The following LRRTM4 variants were observed in gnomAD, a reference collection of about 807,000 sequenced individuals.
The protein encoded by LRRTM4 is leucine rich repeat transmembrane neuronal 4.
LRRTM4 carries 25 observed loss-of-function variants against 47.6 expected under a neutral mutation model. The observed-to-expected ratio is 0.53, with a 90% CI of 0.38 to 0.73. The LOEUF is 0.73. LRRTM4 is among the 30% of genes least tolerant of loss of function. The pLI, the probability that LRRTM4 is intolerant of heterozygous loss-of-function variation, is 0.00. For missense variants in LRRTM4, 638 were observed against 713.4 expected (o/e 0.89, Z 1.20); for synonymous variants, 311 against 269.5 (o/e 1.15, Z -1.51).
At chr2:77,436,640 G>T (rs940041600) in intron 3 of LRRTM4, among the ~76,000 whole-genome samples, 8 of 151,618 alleles carry the variant, frequency 5.3e-5, no homozygotes, top group African/African-American at 1.9e-4. Context: ...TGATTTAAAT[G>T]GGTGACAACT....
At chr2:77,460,183 T>C (rs138559414) in intron 3 of LRRTM4, among the ~76,000 whole-genome samples, 7 of 152,288 alleles carry the variant, frequency 4.6e-5, no homozygotes, top group Admixed American at 6.6e-5. Context: ...ATATGCTTAA[T>C]GTACTGACTC....
At chr2:77,512,953 C>CT (rs1049432827) in intron 3 of LRRTM4, among the ~76,000 whole-genome samples, 1 of 152,114 alleles carries the variant, frequency 6.6e-6, no homozygotes, top group South Asian at 2.1e-4. Context: ...CTATGTCGGT[C>CT]TTTTTTTGGC....
At chr2:77,025,460 C>G (rs928807252) in intron 3 of LRRTM4, among the ~76,000 whole-genome samples, 1 of 152,098 alleles carries the variant, frequency 6.6e-6, no homozygotes. Flanking sequence ...GGGCATTAAC[C>G]TCTTCTGGTT....
At chr2:77,050,763 T>C (rs1679404141) in intron 3 of LRRTM4, among the ~76,000 whole-genome samples, 1 of 152,186 alleles carries the variant, frequency 6.6e-6, no homozygotes, top group Non-Finnish European at 1.5e-5. Flanking sequence ...TTTCTACTTC[T>C]GTAAAACGGA....
intron 3 of LRRTM4, among the ~76,000 whole-genome samples, chr2:77,352,174 T>G (rs1358596822): frequency 6.6e-6 from 1 of 152,184 alleles, no homozygotes; most frequent in Non-Finnish European, 1.5e-5. Flanking sequence ...CGCCTTTTGA[T>G]GCCGAGCCTA....
intron 3 of LRRTM4, among the ~76,000 whole-genome samples, chr2:76,872,104 T>G (rs1672640498): frequency 1.3e-5 from 2 of 152,204 alleles, no homozygotes; most frequent in Admixed American, 6.5e-5. Flanking sequence ...AAATTTGTGA[T>G]AATTTGTTAT....
chr2:76,764,150 T>C (rs1486073807), intron 3 of LRRTM4, among the ~76,000 whole-genome samples: 3 of 152,182 alleles, frequency 2.0e-5, no homozygotes, highest in Non-Finnish European at 4.4e-5. Flanking sequence ...CCTGACTGCC[T>C]ATAGTAAAAC....
At chr2:77,160,185 T>A (rs12471166) in intron 3 of LRRTM4, among the ~76,000 whole-genome samples, 21,222 of 152,172 alleles carry the variant, frequency 0.14, 1,687 homozygotes, top group Non-Finnish European at 0.18. Context: ...CTGCACAACA[T>A]CTGGACACAG....
chr2:76,966,092 A>C (rs1676014266), intron 3 of LRRTM4, among the ~76,000 whole-genome samples: 1 of 151,568 alleles, frequency 6.6e-6, no homozygotes, highest in Admixed American at 6.6e-5. Context: ...GGATAGACAA[A>C]GGATTTTAAA....
intron 3 of LRRTM4, among the ~76,000 whole-genome samples, chr2:76,937,954 A>C (rs1336209837): frequency 6.6e-6 from 1 of 152,138 alleles, no homozygotes; most frequent in East Asian, 1.9e-4. Flanking sequence ...AAAATGGAGG[A>C]GCTAAGGGGA....
At chr2:76,940,705 T>C (rs1250514858) in intron 3 of LRRTM4, among the ~76,000 whole-genome samples, 1 of 152,184 alleles carries the variant, frequency 6.6e-6, no homozygotes, top group Non-Finnish European at 1.5e-5. Flanking sequence ...CAATTCTAGA[T>C]TGTACGTACT....
At chr2:77,019,539 A>G (rs1389303906) in intron 3 of LRRTM4, among the ~76,000 whole-genome samples, 2 of 152,118 alleles carry the variant, frequency 1.3e-5, no homozygotes, top group African/African-American at 4.8e-5. Flanking sequence ...TGAAGATACA[A>G]TGAGGAAATA....
rs150589627 is a variant in LRRTM4 at position 77,074,740 on chromosome 2, C to T, written c.1552-325824G>A. Among the ~76,000 whole-genome samples the T allele has an allele frequency of 3.0e-3, 457 of 152,218 alleles. 2 individuals carry two copies. Among genetic ancestry groups the T allele is most frequent in the Non-Finnish European group, 5.2e-3 (352 of 68,002 alleles). ...TAGCATGAAAAAAGGTCAATTGTTG[C>T]AAACCTTGACTTTCTAAATCAAGAA... On this transcript the variant is annotated intron_variant, in intron 3 of 3. Transcript: ENST00000409884.
At chr2:77,373,280 AAG>A (rs1193878305) in intron 3 of LRRTM4, among the ~76,000 whole-genome samples, 1 of 151,340 alleles carries the variant, frequency 6.6e-6, no homozygotes, top group Non-Finnish European at 1.5e-5. Context: ...CAGATTGTGA[AAG>A]AAGTAAATAA....
chr2:77,457,944 C>T (rs1676624363), intron 3 of LRRTM4, among the ~76,000 whole-genome samples: 3 of 152,094 alleles, frequency 2.0e-5, no homozygotes, highest in South Asian at 2.1e-4. Context: ...GGCTTCAGTG[C>T]AGACAATGTA....
At position 77,275,469 on chromosome 2, in the gene LRRTM4, A is replaced by C. The variant is rs1676319518; in HGVS notation, c.1551+242849T>G. Among the ~76,000 whole-genome samples, 3 of 152,202 alleles carry C rather than the reference A, an allele frequency of 2.0e-5. No homozygotes were observed. The South Asian group carries it at 6.2e-4, about 31-fold the overall frequency. Reference sequence around the variant, plus strand: ...TTCTTGAATATAAGTTTAAAACATAATTGATAATCAGGCAAAATTATTCTG... The same window carrying C: ...TTCTTGAATATAAGTTTAAAACATACTTGATAATCAGGCAAAATTATTCTG... On this transcript the variant is annotated intron_variant, in intron 3 of 3. Coordinates refer to ENST00000409884, the MANE Select transcript of LRRTM4 (RefSeq NM_001134745.3).
intron 3 of LRRTM4, among the ~76,000 whole-genome samples, chr2:76,786,696 C>T (rs55940237): frequency 0.24 from 36,733 of 151,794 alleles, 5,073 homozygotes; most frequent in Admixed American, 0.31. Context: ...TTGATTCCTG[C>T]TTTCTAAGTG....
intron 3 of LRRTM4, among the ~76,000 whole-genome samples, chr2:76,798,615 G>A (rs1351532418): frequency 1.3e-5 from 2 of 151,258 alleles, no homozygotes; most frequent in Non-Finnish European, 2.9e-5. Context: ...CAGAACTGAA[G>A]GAAATAGAGA....
chr2:77,311,059 CAT>C lies in LRRTM4; in HGVS notation c.1551+207257_1551+207258del, dbSNP rs146036081. ...TGTGAGAGATATTTATATACACACACATATATATATATATCATTTGACCTAAA... is the reference window on the plus strand; with the variant it reads ...TGTGAGAGATATTTATATACACACACATATATATATATCATTTGACCTAAA... On this transcript the variant is annotated intron_variant, in intron 3 of 3. Transcript: ENST00000409884. Among the ~76,000 whole-genome samples the C allele has an allele frequency of 2.4e-4, 36 of 150,408 alleles. No individual in the cohort carries two copies. The South Asian group carries it at 3.4e-3, about 14-fold the overall frequency.
Sources: allele counts gnomAD v4.1 joint callset (sites outside exome capture counted in the v4.1 genomes callset), GRCh38; gene constraint gnomAD v4.1.1; transcripts MANE v1.5; gene names NCBI Gene and HGNC (gene_info 2026-07-23, HGNC 2026-07-21).